Variants in MCF2L observed in about 807,000 individuals in gnomAD.
MCF2L encodes the protein MCF.2 cell line derived transforming sequence like.
In MCF2L, 97 loss-of-function variants were observed where a neutral mutation model predicts 153.4. That is an observed-to-expected ratio of 0.63 (90% CI 0.54 to 0.75). The LOEUF (loss-of-function observed/expected upper bound fraction) is 0.75, where lower values mean the gene tolerates loss of function less well. Ranked by LOEUF, MCF2L falls within the 30% of genes least tolerant of loss-of-function variation. The probability of loss-of-function intolerance (pLI) is 0.00; values close to 1 mark genes in which losing one functional copy is unlikely to be tolerated. For synonymous variants in MCF2L, 659 were observed against 632.2 expected (o/e 1.04, Z -0.64); for missense variants, 1,347 against 1,495.2 (o/e 0.90, Z 1.64).
chr13:112,962,958 G>T (rs1049129173), intron 2 of MCF2L, among the ~76,000 whole-genome samples: 1 of 152,188 alleles, frequency 6.6e-6, no homozygotes, highest in Admixed American at 6.5e-5. Flanking sequence ...GTCCAGATGC[G>T]GGGTGTGCTT....
At chr13:113,087,014 T>C (rs547603750) in intron 21 of MCF2L, among the ~76,000 whole-genome samples, 2 of 152,264 alleles carry the variant, frequency 1.3e-5, no homozygotes, top group South Asian at 4.1e-4. Flanking sequence ...GCAGCTTCAC[T>C]GTCCTAGAAG....
chr13:112,919,458 G>A (rs1487279531), intron 2 of MCF2L, among the ~76,000 whole-genome samples: 2 of 152,024 alleles, frequency 1.3e-5, no homozygotes, highest in African/African-American at 4.8e-5. Context: ...GCCCGCCTCG[G>A]CCTCCCAAAG....
rs1169788497 is a variant in MCF2L at position 112,993,831 on chromosome 13, C to G, written c.80-20932C>G. On this transcript the variant is annotated intron_variant, in intron 1 of 29. Coordinates refer to ENST00000535094, the MANE Select transcript of MCF2L (RefSeq NM_001112732.3). The surrounding 1 kb of genome is among the most constrained non-coding windows in gnomAD (Gnocchi z 4.6). ...CCACAGATACCTTGGAGATCTGCCT[C>G]CAGTTAAGAGACGTGTTTGCCTCCT... is the stretch of plus-strand genomic sequence containing the variant. 6.6e-6 allele frequency among the ~76,000 whole-genome samples: 1 copy of G among 152,074 alleles called. No individual in the cohort carries two copies. The highest frequency in any genetic ancestry group is 2.4e-5 in the African/African-American group (1 of 41,406).
intron 1 of MCF2L, among the ~76,000 whole-genome samples, chr13:112,898,752 C>G (rs1376166091): frequency 2.0e-5 from 3 of 152,326 alleles, no homozygotes; most frequent in African/African-American, 7.2e-5. Context: ...GCCATCATCT[C>G]CAGACTCTCC....
intron 1 of MCF2L, chr13:113,002,000 C>G (rs554358001): frequency 6.4e-7 from 1 of 1,554,388 alleles, no homozygotes; most frequent in East Asian, 2.4e-5. Context: ...GGGGCGCGGG[C>G]GGGTCCTCGC....
At chr13:112,908,827 G>A (rs887221933) in intron 2 of MCF2L, among the ~76,000 whole-genome samples, 2 of 151,364 alleles carry the variant, frequency 1.3e-5, no homozygotes, top group East Asian at 2.0e-4. Context: ...CTGGGTTCAC[G>A]CCATTCTCCT....
At chr13:112,961,101 G>A in intron 2 of MCF2L, among the ~76,000 whole-genome samples, 1 of 21,766 alleles carries the variant, frequency 4.6e-5, no homozygotes. Context: ...CCTCCACGTT[G>A]CATCTGCTAT....
intron 1 of MCF2L, among the ~76,000 whole-genome samples, chr13:113,012,363 A>G (rs1157974055): frequency 4.2e-5 from 3 of 71,530 alleles, no homozygotes; most frequent in Admixed American, 1.4e-4. Context: ...GGACACTGTG[A>G]TGCGGACGGT....
chr13:113,001,662 A>C, intron 1 of MCF2L: 1 of 1,316,238 alleles, frequency 7.6e-7, no homozygotes, highest in Non-Finnish European at 9.6e-7. Flanking sequence ...CCAGGATCGC[A>C]ACAGTTAAGC....
In MCF2L at chr13:113,046,158, G is replaced by A. The variant is rs1168953889; in HGVS notation, c.369+797G>A. The A allele has an allele frequency of 6.1e-6, 1 of 164,378 alleles. No individual in the cohort carries two copies. Among genetic ancestry groups the A allele is most frequent in the East Asian group, 1.8e-4 (1 of 5,468 alleles). 10.2% of individuals were successfully genotyped at this position (164,378 alleles called of 1,614,324 possible). A position where few individuals can be genotyped will look rare whatever the true frequency, so the allele number is the denominator to read the frequency against. ...AAGCCCCCAAATCTTATTTTTGTCG[G>A]TAGCTCCCACCCGTATGCATGACCC... On this transcript the variant is annotated intron_variant, in intron 4 of 29. Transcript: ENST00000535094. The surrounding 1 kb of genome is among the most constrained non-coding windows in gnomAD (Gnocchi z 4.4).
At chr13:112,920,394 C>G (rs112949969) in intron 2 of MCF2L, among the ~76,000 whole-genome samples, 3 of 151,922 alleles carry the variant, frequency 2.0e-5, no homozygotes, top group Non-Finnish European at 4.4e-5. Flanking sequence ...TGTGCACACG[C>G]GTGTTTGTGA....
Position 113,045,855 on chromosome 13 carries a change from G to C in MCF2L, c.369+494G>C, listed in dbSNP as rs1223544190. On this transcript the variant is annotated intron_variant, in intron 4 of 29. Transcript: ENST00000535094. The surrounding 1 kb of genome is among the most constrained non-coding windows in gnomAD (Gnocchi z 4.2). Reference sequence around the variant, plus strand: ...GGGGCTGTGTGCAGAGACGCTCCAGGCTGGAAGTTGGAAGTGGTACTGCAC... The same window carrying C: ...GGGGCTGTGTGCAGAGACGCTCCAGCCTGGAAGTTGGAAGTGGTACTGCAC... 1 of 168,558 alleles carries C rather than the reference G, an allele frequency of 5.9e-6. No homozygotes were observed. The highest frequency in any genetic ancestry group is 2.9e-3 in the Middle Eastern group (1 of 342). The allele number at this position is 168,558 out of a possible 1,614,324, so 10.4% of individuals were successfully genotyped here.
intron 3 of MCF2L, among the ~76,000 whole-genome samples, chr13:113,030,574 C>T (rs1181309636): frequency 1.4e-5 from 2 of 140,462 alleles, no homozygotes; most frequent in Non-Finnish European, 3.1e-5. Context: ...CTCGGGTGTC[C>T]GCCGACGCAG....
intron 2 of MCF2L, among the ~76,000 whole-genome samples, chr13:112,936,344 T>G (rs2081515260): frequency 6.9e-6 from 1 of 144,826 alleles, no homozygotes; most frequent in African/African-American, 2.5e-5. Flanking sequence ...ACTTCCAGCC[T>G]CCAGAGCAGA....
At chr13:113,056,706 CTG>C (rs1461776336) in intron 4 of MCF2L, among the ~76,000 whole-genome samples, 1 of 127,288 alleles carries the variant, frequency 7.9e-6, no homozygotes, top group African/African-American at 3.1e-5. Flanking sequence ...TGTTTAGGTG[CTG>C]TGTGTTTGGG....
At chr13:113,039,303 A>T (rs1436490245) in intron 3 of MCF2L, among the ~76,000 whole-genome samples, 1 of 152,210 alleles carries the variant, frequency 6.6e-6, no homozygotes, top group Non-Finnish European at 1.5e-5. Context: ...ACAAAAGTTA[A>T]TTCCAAATAG....
At position 112,962,007 on chromosome 13, in the gene MCF2L, G is replaced by A. The variant is rs567100746; in HGVS notation, c.170-52756G>A. Among the ~76,000 whole-genome samples, 208 of 150,822 alleles carry A rather than the reference G, an allele frequency of 1.4e-3. 1 individual carries two copies. The highest frequency in any genetic ancestry group is 2.7e-3 in the South Asian group (13 of 4,746). ...CACACACACATGCACACACAAACAC[G>A]CTTACACATGGGCTCACACCCAGGC... On this transcript the variant is annotated intron_variant, in intron 2 of 29. Transcript: ENST00000375608.
intron 3 of MCF2L, among the ~76,000 whole-genome samples, chr13:113,029,981 A>G (rs1270142842): frequency 5.9e-5 from 9 of 152,370 alleles, no homozygotes. Context: ...TTTAGAAAGA[A>G]TGTTGTATTC....
intron 5 of MCF2L, among the ~76,000 whole-genome samples, chr13:113,061,527 C>T (rs921164365): frequency 6.6e-6 from 1 of 152,106 alleles, no homozygotes; most frequent in African/African-American, 2.4e-5. Context: ...GGGTGCAGGT[C>T]GCTCACTGTG....
Sources: gnomAD v4.1 joint callset for allele counts (sites outside exome capture counted in the v4.1 genomes callset) on GRCh38, gnomAD v4.1.1 for gene constraint, Gnocchi (gnomAD v3.1) non-coding constraint, MANE v1.5 for transcripts, NCBI Gene and HGNC (gene_info 2026-07-23, HGNC 2026-07-21) for gene names.